Variants in PCDH11X observed in about 807,000 individuals in gnomAD.
PCDH11X encodes protocadherin-11 X-linked.
A neutral mutation model predicts 53.3 loss-of-function variants in PCDH11X; 18 were observed. The observed-to-expected ratio is 0.34, with a 90% CI of 0.23 to 0.50. The LOEUF (loss-of-function observed/expected upper bound fraction) is 0.50. Ranked by LOEUF, PCDH11X falls within the 20% of genes least tolerant of loss-of-function variation. The probability of loss-of-function intolerance (pLI) is 0.98; values close to 1 mark genes in which losing one functional copy is unlikely to be tolerated. For synonymous variants in PCDH11X, 279 were observed against 393.3 expected (o/e 0.71, Z 3.44); for missense variants, 570 against 1,032.4 (o/e 0.55, Z 6.14).
At chrX:91,964,820 T>C (rs1473368297) in intron 6 of PCDH11X, among the ~76,000 whole-genome samples, 1 of 111,196 alleles carries the variant, frequency 9.0e-6, no homozygotes, top group African/African-American at 3.3e-5. Context: ...ATGACTAGGG[T>C]ACGGGCTTCA....
At chrX:92,581,201 A>T (rs905937067) in intron 10 of PCDH11X, among the ~76,000 whole-genome samples, 8 of 112,090 alleles carry the variant, frequency 7.1e-5, no homozygotes, top group African/African-American at 2.6e-4. Context: ...ATACTTATAC[A>T]TAGACAAACA....
At chrX:92,236,817 GAA>G (rs1467498487) in intron 7 of PCDH11X, among the ~76,000 whole-genome samples, 1 of 111,483 alleles carries the variant, frequency 9.0e-6, no homozygotes, top group Non-Finnish European at 1.9e-5. Flanking sequence ...CCTACAAAGA[GAA>G]AATAAATTTT....
chrX:92,456,533 T>C (rs2072911190), intron 9 of PCDH11X, among the ~76,000 whole-genome samples: 1 of 111,157 alleles, frequency 9.0e-6, no homozygotes, highest in South Asian at 3.8e-4. Flanking sequence ...CAAAATATAA[T>C]ATTTATATTT....
At chrX:92,143,848 A>G (rs1050832229) in intron 6 of PCDH11X, among the ~76,000 whole-genome samples, 3 of 111,296 alleles carry the variant, frequency 2.7e-5, no homozygotes, top group African/African-American at 9.8e-5. Context: ...GCAGACACTC[A>G]ATGCCAGTCC....
At chrX:91,952,426 T>C in intron 6 of PCDH11X, among the ~76,000 whole-genome samples, 1 of 111,942 alleles carries the variant, frequency 8.9e-6, no homozygotes, top group Non-Finnish European at 1.9e-5. Flanking sequence ...TGTAAAACTT[T>C]CCATTCTAGC....
At position 92,407,370 on chromosome X, in the gene PCDH11X, G is replaced by A. The variant is rs1569482032; in HGVS notation, c.3343+19437G>A. On this transcript the variant is annotated intron_variant, in intron 9 of 10. Transcript: ENST00000682573. ...GTATTTACCTGTTATTAAAATTGTTGAGTTGCATGTTCAACCTATCTGAAG... is the reference window on the plus strand; with the variant it reads ...GTATTTACCTGTTATTAAAATTGTTAAGTTGCATGTTCAACCTATCTGAAG... Among the ~76,000 whole-genome samples the A allele has an allele frequency of 1.8e-5, 2 of 108,897 alleles. 1 individual carries two copies. The highest frequency in any genetic ancestry group is 2.0e-4 in the Admixed American group (2 of 10,070). 94.6% of individuals were successfully genotyped at this position (108,897 alleles called of 115,157 possible). A position where few individuals can be genotyped will look rare whatever the true frequency, so the allele number is the denominator to read the frequency against.
At chrX:92,136,291 G>A (rs2065081925) in intron 6 of PCDH11X, among the ~76,000 whole-genome samples, 2 of 110,783 alleles carry the variant, frequency 1.8e-5, no homozygotes, top group Admixed American at 1.9e-4. Flanking sequence ...CTAGATGTAT[G>A]TGTGACGTAG....
At chrX:91,895,440 A>G (rs1940700474) in intron 6 of PCDH11X, among the ~76,000 whole-genome samples, 1 of 110,954 alleles carries the variant, frequency 9.0e-6, no homozygotes, top group African/African-American at 3.3e-5. Context: ...GTAGGATACA[A>G]AAGATCAAAA....
chrX:91,825,738 G>C (rs367568936), intron 4 of PCDH11X, among the ~76,000 whole-genome samples: 11 of 107,772 alleles, frequency 1.0e-4, no homozygotes, highest in African/African-American at 4.0e-4. Context: ...TGTGTATTTG[G>C]TACAGTGCCC....
At chrX:92,131,194 G>C (rs1339688860) in intron 6 of PCDH11X, among the ~76,000 whole-genome samples, 3 of 111,784 alleles carry the variant, frequency 2.7e-5, no homozygotes, top group South Asian at 3.7e-4. Flanking sequence ...AAAACGAATA[G>C]TTTTATTCTA....
At chrX:92,036,182 A>G in intron 6 of PCDH11X, among the ~76,000 whole-genome samples, 1 of 101,912 alleles carries the variant, frequency 9.8e-6, no homozygotes. Flanking sequence ...TGGTGAGAAT[A>G]TGTTTTCCTG....
chrX:92,207,636 T>C (rs988002034), intron 7 of PCDH11X, among the ~76,000 whole-genome samples: 16 of 111,978 alleles, frequency 1.4e-4, no homozygotes, highest in African/African-American at 4.9e-4. Context: ...TCATGTCTTA[T>C]TTTTACTGAG....
intron 7 of PCDH11X, among the ~76,000 whole-genome samples, chrX:92,226,087 T>G (rs1344462410): frequency 8.9e-6 from 1 of 111,815 alleles, no homozygotes; most frequent in African/African-American, 3.2e-5. Context: ...TGTACCCTTA[T>G]GTAGGGACAG....
chrX:92,173,119 G>T (rs749139844), intron 6 of PCDH11X, among the ~76,000 whole-genome samples: 6 of 111,493 alleles, frequency 5.4e-5, no homozygotes, highest in Non-Finnish European at 1.1e-4. Context: ...CCTAAATAAT[G>T]CCAGGAAAGG....
intron 1 of PCDH11X, among the ~76,000 whole-genome samples, chrX:91,801,655 A>T (rs906142811): frequency 2.7e-5 from 3 of 112,556 alleles, no homozygotes; most frequent in African/African-American, 9.7e-5. Context: ...AGCTGAAATT[A>T]TACATGATAT....
chrX:92,294,001 T>C (rs1317204978), intron 8 of PCDH11X, among the ~76,000 whole-genome samples: 1 of 111,250 alleles, frequency 9.0e-6, no homozygotes, highest in Non-Finnish European at 1.9e-5. Context: ...CAATGTATTA[T>C]AATAATGTAA....
At chrX:92,571,453 G>A (rs969930602) in intron 10 of PCDH11X, among the ~76,000 whole-genome samples, 1 of 110,055 alleles carries the variant, frequency 9.1e-6, no homozygotes. Flanking sequence ...TAAGGGAGAT[G>A]AATTGGTGAA....
intron 8 of PCDH11X, among the ~76,000 whole-genome samples, chrX:92,266,415 C>T (rs1434819831): frequency 9.0e-6 from 1 of 111,651 alleles, no homozygotes; most frequent in Admixed American, 9.5e-5. Context: ...TCTAAAACAT[C>T]AAAGAAGAAG....
intron 10 of PCDH11X, among the ~76,000 whole-genome samples, chrX:92,469,596 G>A (rs1404656909): frequency 9.0e-6 from 1 of 111,520 alleles, no homozygotes; most frequent in Non-Finnish European, 1.9e-5. Flanking sequence ...TAGCGGTCTA[G>A]TTTCATTCTT....
Sources: allele counts gnomAD v4.1 joint callset (sites outside exome capture counted in the v4.1 genomes callset), GRCh38; gene constraint gnomAD v4.1.1; transcripts MANE v1.5; gene names NCBI Gene and HGNC (gene_info 2026-07-23, HGNC 2026-07-21).